GRIK1: variants seen among roughly 807,000 people sequenced by gnomAD.
GRIK1 encodes glutamate ionotropic receptor kainate type subunit 1.
In GRIK1, 69 loss-of-function variants were observed where a neutral mutation model predicts 105.7. The ratio of observed to expected loss-of-function variants is 0.65; its 90% CI spans 0.54 to 0.80. The LOEUF (loss-of-function observed/expected upper bound fraction) is 0.80, where lower values mean the gene tolerates loss of function less well. GRIK1 is among the 30% of genes least tolerant of loss of function. The pLI is 0.00. For missense variants in GRIK1, 1,109 were observed against 1,167.3 expected (o/e 0.95, Z 0.73); for synonymous variants, 438 against 431.3 (o/e 1.02, Z -0.19).
At chr21:29,878,716 T>A (rs1483904479) in intron 1 of GRIK1, among the ~76,000 whole-genome samples, 1 of 152,102 alleles carries the variant, frequency 6.6e-6, no homozygotes, top group Non-Finnish European at 1.5e-5. Flanking sequence ...CCCTCAATCC[T>A]TCCATCACAT....
intron 7 of GRIK1, among the ~76,000 whole-genome samples, chr21:29,613,657 A>T (rs898349533): frequency 6.6e-6 from 1 of 152,244 alleles, no homozygotes; most frequent in Non-Finnish European, 1.5e-5. Flanking sequence ...TAGTAACACT[A>T]ATAAAAGTCT....
At chr21:29,589,264 G>C (rs576216695) in intron 10 of GRIK1, among the ~76,000 whole-genome samples, 3 of 151,956 alleles carry the variant, frequency 2.0e-5, no homozygotes, top group African/African-American at 7.3e-5. Context: ...TTTTCCTTCC[G>C]CTGTGGAGGG....
intron 1 of GRIK1, among the ~76,000 whole-genome samples, chr21:29,727,975 G>C (rs987356304): frequency 6.6e-6 from 1 of 152,196 alleles, no homozygotes; most frequent in South Asian, 2.1e-4. Flanking sequence ...GCAGACAGCA[G>C]ATCCGCCCTC....
chr21:29,701,734 C>A (rs552696101), intron 1 of GRIK1, among the ~76,000 whole-genome samples: 1 of 152,172 alleles, frequency 6.6e-6, no homozygotes. Flanking sequence ...TGCAATAACA[C>A]TCTTGCCGTA....
In GRIK1 at chr21:29,765,976, C is replaced by T. The variant is rs539219933; in HGVS notation, c.119-71913G>A. On this transcript the variant is annotated intron_variant, in intron 1 of 17. Coordinates refer to ENST00000327783, the MANE Select transcript of GRIK1 (RefSeq NM_001330994.2). ...ACGCCATTCTCCTGCCTCAGCCTCC[C>T]GAGTAGCTGGGACTACAGGCGCCCG... 5.9e-4 allele frequency among the ~76,000 whole-genome samples: 90 copies of T among 152,012 alleles called. 1 individual carries two copies. In the East Asian group the frequency reaches 0.013, roughly 22 times the overall value.
At chr21:29,839,114 A>T (rs2067897648) in intron 1 of GRIK1, among the ~76,000 whole-genome samples, 1 of 152,128 alleles carries the variant, frequency 6.6e-6, no homozygotes, top group South Asian at 2.1e-4. Context: ...CAGTGGTGCG[A>T]TCTTGGCTCA....
chr21:29,827,695 G>C (rs1329621783), intron 1 of GRIK1, among the ~76,000 whole-genome samples: 1 of 152,070 alleles, frequency 6.6e-6, no homozygotes, highest in Non-Finnish European at 1.5e-5. Flanking sequence ...AATGTGTCTG[G>C]TAGAAAGGGG....
chr21:29,581,579 G>C (rs138096826), intron 12 of GRIK1, 36 bp from the exon 13 acceptor site: 1 of 1,257,302 alleles, frequency 8.0e-7, no homozygotes, highest in Non-Finnish European at 1.2e-6. Context: ...GTAAATATCA[G>C]AGAAACACAC....
chr21:29,916,993 C>A (rs193121767), intron 1 of GRIK1, among the ~76,000 whole-genome samples: 1 of 151,956 alleles, frequency 6.6e-6, no homozygotes, highest in Non-Finnish European at 1.5e-5. Flanking sequence ...TCTCAATTCT[C>A]TCCAGAAAAA....
chr21:29,720,201 A>T (rs1323164451), intron 1 of GRIK1, among the ~76,000 whole-genome samples: 1 of 152,210 alleles, frequency 6.6e-6, no homozygotes, highest in African/African-American at 2.4e-5. Flanking sequence ...GTGTTTTTTA[A>T]AACTGTGTGC....
At chr21:29,913,062 C>T (rs1318080703) in intron 1 of GRIK1, among the ~76,000 whole-genome samples, 1 of 151,946 alleles carries the variant, frequency 6.6e-6, no homozygotes, top group Non-Finnish European at 1.5e-5. Context: ...AGAAAGACAC[C>T]ATATATGGAG....
At chr21:29,643,181 G>A (rs979219633) in intron 6 of GRIK1, among the ~76,000 whole-genome samples, 5 of 151,072 alleles carry the variant, frequency 3.3e-5, no homozygotes, top group South Asian at 4.2e-4. Flanking sequence ...ACTCTGCTTC[G>A]TTTCAAGTTC....
At chr21:29,735,201 T>C (rs1335814452) in intron 1 of GRIK1, among the ~76,000 whole-genome samples, 1 of 152,206 alleles carries the variant, frequency 6.6e-6, no homozygotes, top group African/African-American at 2.4e-5. Flanking sequence ...CTATCTGACA[T>C]AGATAACTGA....
intron 1 of GRIK1, among the ~76,000 whole-genome samples, chr21:29,696,922 G>C (rs1394250695): frequency 6.6e-6 from 1 of 152,154 alleles, no homozygotes; most frequent in African/African-American, 2.4e-5. Flanking sequence ...TTAAGTATCA[G>C]AAAGAAAATT....
chr21:29,915,093 C>A (rs919202059), intron 1 of GRIK1, among the ~76,000 whole-genome samples: 1 of 151,980 alleles, frequency 6.6e-6, no homozygotes, highest in African/African-American at 2.4e-5. Flanking sequence ...TTAATGAAGA[C>A]TTTAGTGATA....
chr21:29,762,963 A>G (rs905541224), intron 1 of GRIK1, among the ~76,000 whole-genome samples: 4 of 152,228 alleles, frequency 2.6e-5, no homozygotes, highest in African/African-American at 9.7e-5. Context: ...TTCTTCTCCC[A>G]TTCCTCCAGG....
intron 6 of GRIK1, among the ~76,000 whole-genome samples, chr21:29,643,394 A>G (rs1427264437): frequency 6.6e-6 from 1 of 152,206 alleles, no homozygotes. Flanking sequence ...ACTGGTTTAT[A>G]TTTGGTAGAA....
At chr21:29,543,374 C>T (rs886626348) in intron 16 of GRIK1, among the ~76,000 whole-genome samples, 2 of 152,178 alleles carry the variant, frequency 1.3e-5, no homozygotes, top group Non-Finnish European at 2.9e-5. Flanking sequence ...TCACTCCCTT[C>T]CAAGAGAATT....
At chr21:29,544,495 G>A (rs78992965) in intron 16 of GRIK1, among the ~76,000 whole-genome samples, 3,049 of 152,182 alleles carry the variant, frequency 0.02, 101 homozygotes, top group African/African-American at 0.069. Context: ...CTTTTTTCCA[G>A]TTCTTCTGAA....
Sources: allele counts gnomAD v4.1 joint callset (sites outside exome capture counted in the v4.1 genomes callset), GRCh38; gene constraint gnomAD v4.1.1; transcripts MANE v1.5; gene names NCBI Gene and HGNC (gene_info 2026-07-23, HGNC 2026-07-21).